Variants in DCUN1D4 observed in about 807,000 individuals in gnomAD.
The protein encoded by DCUN1D4 is defective in cullin neddylation 1 domain containing 4.
Under a neutral mutation model 47.9 loss-of-function variants are expected in DCUN1D4, and 22 were observed. That is an observed-to-expected ratio of 0.46 (90% CI 0.33 to 0.66). The LOEUF (loss-of-function observed/expected upper bound fraction) is 0.66, where lower values mean the gene tolerates loss of function less well. Among genes scored for constraint, DCUN1D4 ranks in the 30% least tolerant of loss-of-function variants. The pLI is 0.02. For synonymous variants in DCUN1D4, 121 were observed against 112.2 expected (o/e 1.08, Z -0.50); for missense variants, 301 against 340.8 (o/e 0.88, Z 0.92).
In DCUN1D4 at chr4:51,910,881, G is replaced by A. The variant is rs568329452; in HGVS notation, c.616-189G>A. 238 of 580,680 alleles carry A rather than the reference G, an allele frequency of 4.1e-4. 1 individual carries two copies. In the East Asian group the frequency reaches 7.0e-3, roughly 17 times the overall value. 36.0% of individuals were successfully genotyped at this position (580,680 alleles called of 1,614,324 possible). On this transcript the variant is annotated intron_variant, in intron 8 of 10. Coordinates refer to ENST00000334635, the MANE Select transcript of DCUN1D4 (RefSeq NM_001040402.3). ...TCTCACAGTAAATTTATATAATATC[G>A]TAATGCCCAAGCCTTCCATTGTGTT...
In DCUN1D4 at chr4:51,907,938, T is replaced by G. The variant is rs866449129; in HGVS notation, c.616-3132T>G. Among the ~76,000 whole-genome samples the G allele has an allele frequency of 6.6e-5, 10 of 152,336 alleles. 1 individual carries two copies. In the South Asian group the frequency reaches 2.1e-3, roughly 32 times the overall value. On this transcript the variant is annotated intron_variant, in intron 8 of 10. Coordinates refer to ENST00000334635, the MANE Select transcript of DCUN1D4 (RefSeq NM_001040402.3). The stretch of plus-strand genomic sequence containing the variant: ...TCACCTTTTAGAGGAGAACCTATAC[T>G]GAAACAGTAGTATGTGAACAAAGGC...
At chr4:51,873,418 T>C (rs756344525) in intron 3 of DCUN1D4, among the ~76,000 whole-genome samples, 9 of 152,238 alleles carry the variant, frequency 5.9e-5, no homozygotes, top group Non-Finnish European at 1.2e-4. Context: ...AGTTGTCTTG[T>C]AGTTTATAAC....
intron 8 of DCUN1D4, among the ~76,000 whole-genome samples, chr4:51,908,469 G>A (rs1176238927): frequency 6.6e-6 from 1 of 152,042 alleles, no homozygotes; most frequent in African/African-American, 2.4e-5. Context: ...GGAATCTATT[G>A]GTCTGCCCCT....
At chr4:51,844,791 G>T in intron 1 of DCUN1D4, 1 of 981,040 alleles carries the variant, frequency 1.0e-6, no homozygotes. Context: ...ACTTGTAGTC[G>T]CGGCCGCGCC....
At chr4:51,850,910 A>G (rs911720945) in intron 1 of DCUN1D4, among the ~76,000 whole-genome samples, 2 of 152,140 alleles carry the variant, frequency 1.3e-5, no homozygotes, top group Admixed American at 6.5e-5. Context: ...GAGCAGGCCT[A>G]TATTTGAGGA....
chr4:51,893,110 C>G (rs144650241), intron 7 of DCUN1D4, among the ~76,000 whole-genome samples: 3 of 152,284 alleles, frequency 2.0e-5, no homozygotes, highest in African/African-American at 7.2e-5. Context: ...GAGACTGAGG[C>G]ATAGAGGGGA....
intron 8 of DCUN1D4, among the ~76,000 whole-genome samples, chr4:51,901,600 A>T (rs904729936): frequency 6.6e-6 from 1 of 152,148 alleles, no homozygotes; most frequent in Non-Finnish European, 1.5e-5. Flanking sequence ...GGTCTGAGCC[A>T]TGTGCTTCTG....
rs115162837 is a variant in DCUN1D4 at position 51,851,723 on chromosome 4, A to G, written c.25+8456A>G. Among the ~76,000 whole-genome samples, 1,441 of 152,276 alleles carry G rather than the reference A, an allele frequency of 9.5e-3. 24 individuals are homozygous for G. Among genetic ancestry groups the G allele is most frequent in the Middle Eastern group, 0.041 (12 of 294 alleles). On this transcript the variant is annotated intron_variant, in intron 1 of 10. Coordinates refer to ENST00000334635, the MANE Select transcript of DCUN1D4 (RefSeq NM_001040402.3). Reference sequence around the variant, plus strand: ...AGGGACTAACACGAATTCAGTGATGATCTTGGATTTGCTTCAACTGCTTTG... The same window carrying G: ...AGGGACTAACACGAATTCAGTGATGGTCTTGGATTTGCTTCAACTGCTTTG...
intron 5 of DCUN1D4, among the ~76,000 whole-genome samples, chr4:51,885,315 A>G (rs1729290478): frequency 6.6e-6 from 1 of 152,184 alleles, no homozygotes; most frequent in Non-Finnish European, 1.5e-5. Flanking sequence ...GAGAGGCACA[A>G]TTAAGAAATA....
At chr4:51,902,348 T>C (rs904927164) in intron 8 of DCUN1D4, among the ~76,000 whole-genome samples, 1 of 152,216 alleles carries the variant, frequency 6.6e-6, no homozygotes, top group Non-Finnish European at 1.5e-5. Context: ...TTCTGTCAAT[T>C]ACTGAGAGAG....
At chr4:51,846,788 A>G (rs1560447266) in intron 1 of DCUN1D4, among the ~76,000 whole-genome samples, 1 of 152,210 alleles carries the variant, frequency 6.6e-6, no homozygotes, top group Admixed American at 6.5e-5. Flanking sequence ...CAGTGGCTTA[A>G]TGATGTCATT....
At chr4:51,859,556 G>A (rs929677599) in intron 1 of DCUN1D4, among the ~76,000 whole-genome samples, 2 of 145,570 alleles carry the variant, frequency 1.4e-5, no homozygotes, top group African/African-American at 5.2e-5. Flanking sequence ...AGAGTAGTTT[G>A]GGGGAATGGA....
Position 51,914,823 on chromosome 4 carries a change from C to CTTTT in DCUN1D4, c.*1255_*1258dup, listed in dbSNP as rs71193045. ...GTATTTTTAGGTTTGTATTTTATGT[C>CTTTT]TTTTTTTTTTTTTTTTTTTGCCATT... On this transcript the variant is annotated 3_prime_UTR_variant, in exon 11 of 11. Coordinates refer to ENST00000334635, the MANE Select transcript of DCUN1D4 (RefSeq NM_001040402.3). 2 of 117,662 alleles carry CTTTT rather than the reference C, an allele frequency of 1.7e-5. No homozygotes were observed. Among genetic ancestry groups the CTTTT allele is most frequent in the African/African-American group, 3.3e-5 (1 of 30,110 alleles). 7.3% of individuals were successfully genotyped at this position (117,662 alleles called of 1,614,324 possible).
chr4:51,837,599 G>A, the DCUN1D4 span, among the ~76,000 whole-genome samples: 15 of 131,904 alleles, frequency 1.1e-4, no homozygotes, highest in East Asian at 4.0e-3. Context: ...AGCTTGCAGT[G>A]AGCGGAGATC....
intron 1 of DCUN1D4, chr4:51,844,938 TGA>T: frequency 1.0e-6 from 1 of 985,436 alleles, no homozygotes. Context: ...GGGAGGCGGT[TGA>T]GTTCCCAGGG....
At chr4:51,834,041 T>TC in the DCUN1D4 span, among the ~76,000 whole-genome samples, 1 of 93,176 alleles carries the variant, frequency 1.1e-5, no homozygotes, top group African/African-American at 3.9e-5. Context: ...GTTAGGAGTC[T>TC]TTCTCTCTCT....
At chr4:51,902,597 C>G (rs1242592938) in intron 8 of DCUN1D4, among the ~76,000 whole-genome samples, 1 of 152,112 alleles carries the variant, frequency 6.6e-6, no homozygotes, top group Non-Finnish European at 1.5e-5. Context: ...CATGCTATAT[C>G]TTTTTTAAAT....
At chr4:51,881,739 G>GGT (rs1258562874) in intron 5 of DCUN1D4, among the ~76,000 whole-genome samples, 1 of 151,614 alleles carries the variant, frequency 6.6e-6, no homozygotes, top group Non-Finnish European at 1.5e-5. Context: ...GTTAGCCAGT[G>GGT]GTGTATTTGT....
chr4:51,843,628 G>T (rs1268270975), intron 1 of DCUN1D4: 2 of 1,259,704 alleles, frequency 1.6e-6, no homozygotes, highest in African/African-American at 1.6e-5. Flanking sequence ...GCAGGGCCGG[G>T]GATGTGGGGG....
Sources: gnomAD v4.1 joint callset for allele counts (sites outside exome capture counted in the v4.1 genomes callset) on GRCh38, gnomAD v4.1.1 for gene constraint, MANE v1.5 for transcripts, NCBI Gene and HGNC (gene_info 2026-07-23, HGNC 2026-07-21) for gene names.